The following MFAP5 variants were observed in gnomAD, a reference collection of about 807,000 sequenced individuals.
MFAP5 encodes the protein microfibrillar-associated protein 5.
In MFAP5, 19 loss-of-function variants were observed where a neutral mutation model predicts 30.1. The observed-to-expected ratio is 0.63, with a 90% CI of 0.44 to 0.93. The LOEUF is 0.93. Among genes scored for constraint, MFAP5 ranks in the 40% least tolerant of loss-of-function variants. The pLI, the probability that MFAP5 is intolerant of heterozygous loss-of-function variation, is 0.00. For missense variants in MFAP5, 210 were observed against 221.3 expected (o/e 0.95, Z 0.32); for synonymous variants, 92 against 72.9 (o/e 1.26, Z -1.33).
rs1026971247 is a variant in MFAP5 at position 8,646,095 on chromosome 12, C to T, written c.*1996G>A. 1 of 152,612 alleles carries T rather than the reference C, an allele frequency of 6.6e-6. No individual in the cohort carries two copies. The highest frequency in any genetic ancestry group is 1.5e-5 in the Non-Finnish European group (1 of 68,044). The allele number at this position is 152,612 out of a possible 1,614,324, so 9.5% of individuals were successfully genotyped here. A position where few individuals can be genotyped will look rare whatever the true frequency, so the allele number is the denominator to read the frequency against. On this transcript the variant is annotated 3_prime_UTR_variant, in exon 10 of 10. Coordinates refer to ENST00000359478, the MANE Select transcript of MFAP5 (RefSeq NM_003480.4). Reference sequence around the variant, plus strand: ...GGAGGGTCAAGTTCGTGAAGATATTCTTAAAATTAATCTTGGAAACTCTGT... The same window carrying T: ...GGAGGGTCAAGTTCGTGAAGATATTTTTAAAATTAATCTTGGAAACTCTGT...
At position 8,662,466 on chromosome 12, in the gene MFAP5, C is replaced by G. The variant is rs953906843; in HGVS notation, c.-3+161G>C. ...TGACTTTTTCATATCATCTGCTCATCTTGGCGTCTCCTTCATCAGAATTCC... is the reference window on the plus strand; with the variant it reads ...TGACTTTTTCATATCATCTGCTCATGTTGGCGTCTCCTTCATCAGAATTCC... On this transcript the variant is annotated intron_variant, in intron 1 of 9. Transcript: ENST00000359478. The G allele has an allele frequency of 1.3e-5, 3 of 228,144 alleles. No individual in the cohort carries two copies. In the East Asian group the frequency reaches 3.9e-4, roughly 30 times the overall value. 14.1% of individuals were successfully genotyped at this position (228,144 alleles called of 1,614,324 possible). A position where few individuals can be genotyped will look rare whatever the true frequency, so the allele number is the denominator to read the frequency against.
intron 3 of MFAP5, among the ~76,000 whole-genome samples, chr12:8,660,178 T>G (rs1284304964): frequency 6.6e-6 from 1 of 151,110 alleles, no homozygotes; most frequent in African/African-American, 2.4e-5. Flanking sequence ...TTGACATGAC[T>G]TCTTTTTTTC....
intron 7 of MFAP5, 81 bp from the exon 8 acceptor site, chr12:8,650,670 A>G: frequency 8.3e-7 from 1 of 1,199,666 alleles, no homozygotes; most frequent in South Asian, 1.2e-5. Flanking sequence ...TGGGAAGGAT[A>G]GATAGAGTAG....
At chr12:8,649,658 T>C in intron 8 of MFAP5, 84 bp from the exon 9 acceptor site, 1 of 1,004,248 alleles carries the variant, frequency 1.0e-6, no homozygotes, top group Non-Finnish European at 1.6e-6. Flanking sequence ...GGGATGCCTC[T>C]TCAACTCTCA....
chr12:8,656,653 T>C lies in MFAP5; in HGVS notation c.95-823A>G, dbSNP rs937380017. On this transcript the variant is annotated intron_variant, in intron 3 of 9. Coordinates refer to ENST00000359478, the MANE Select transcript of MFAP5 (RefSeq NM_003480.4). ...ACACACACACACACACACACACATA[T>C]ATATATATATATATATTTTTTTTTT... Among the ~76,000 whole-genome samples, 94 of 126,428 alleles carry C rather than the reference T, an allele frequency of 7.4e-4. 1 individual carries two copies. The highest frequency in any genetic ancestry group is 2.4e-3 in the East Asian group (11 of 4,640). 82.9% of individuals were successfully genotyped at this position (126,428 alleles called of 152,430 possible).
chr12:8,654,618 G>T lies in MFAP5; in HGVS notation c.173-137C>A, dbSNP rs1591570018. Reference sequence around the variant, plus strand: ...TTTGTGTTTTATGTATAAGGGAATAGAATTAATTAAATAATTATAAATTTT... The same window carrying T: ...TTTGTGTTTTATGTATAAGGGAATATAATTAATTAAATAATTATAAATTTT... On this transcript the variant is annotated intron_variant, in intron 5 of 9. Transcript: ENST00000359478. 1.0e-5 allele frequency: 7 copies of T among 689,476 alleles called. No homozygotes were observed. In the African/African-American group the frequency reaches 1.3e-4, roughly 13 times the overall value. The allele number at this position is 689,476 out of a possible 1,614,324, so 42.7% of individuals were successfully genotyped here.
chr12:8,660,650 A>C (rs1942121572), intron 3 of MFAP5, among the ~76,000 whole-genome samples: 1 of 152,148 alleles, frequency 6.6e-6, no homozygotes, highest in African/African-American at 2.4e-5. Flanking sequence ...CACACACACA[A>C]GAAGCTTTTA....
rs1237115807 is a variant in MFAP5, at chr12:8,646,595, T to C, written c.*1496A>G. On this transcript the variant is annotated 3_prime_UTR_variant, in exon 10 of 10. Coordinates refer to ENST00000359478, the MANE Select transcript of MFAP5 (RefSeq NM_003480.4). The stretch of plus-strand genomic sequence containing the variant: ...TAATGCATTTAAATCCAGAGAATCA[T>C]AGAATTAAAGGAAATCTTAGAACTA... The C allele has an allele frequency of 2.6e-5, 4 of 151,838 alleles. No homozygotes were observed. Among genetic ancestry groups the C allele is most frequent in the Admixed American group, 6.6e-5 (1 of 15,244 alleles). 9.4% of individuals were successfully genotyped at this position (151,838 alleles called of 1,614,324 possible).
intron 6 of MFAP5, among the ~76,000 whole-genome samples, chr12:8,653,396 TGGGAGTACAGTAG>T (rs1455613172): frequency 1.3e-5 from 2 of 152,092 alleles, no homozygotes; most frequent in Non-Finnish European, 2.9e-5. Flanking sequence ...CACACTGCCC[TGGGAGTACAGTAG>T]GGGGTTTGGA....
At chr12:8,654,821 A>C (rs1250627388) in intron 5 of MFAP5, among the ~76,000 whole-genome samples, 1 of 151,808 alleles carries the variant, frequency 6.6e-6, no homozygotes, top group Non-Finnish European at 1.5e-5. Context: ...GGCGCCTGTA[A>C]TCCCAGCTAC....
At chr12:8,648,723 C>CA (rs1279551605) in intron 9 of MFAP5, among the ~76,000 whole-genome samples, 1 of 152,204 alleles carries the variant, frequency 6.6e-6, no homozygotes, top group Non-Finnish European at 1.5e-5. Flanking sequence ...TGCACAAAGC[C>CA]AATGGGGGCA....
rs188919591 is a variant in MFAP5 at position 8,657,505 on chromosome 12, G to T, written c.95-1675C>A. Among the ~76,000 whole-genome samples, 4 of 151,192 alleles carry T rather than the reference G, an allele frequency of 2.6e-5. No homozygotes were observed. The East Asian group carries it at 5.8e-4, about 22-fold the overall frequency. On this transcript the variant is annotated intron_variant, in intron 3 of 9. Coordinates refer to ENST00000359478, the MANE Select transcript of MFAP5 (RefSeq NM_003480.4). ...CAGCAATTACCCTTCAATGTAAATA[G>T]CTTATATTCATAATCCATTCTACCC...
At chr12:8,654,309 A>G in intron 6 of MFAP5, 128 bp downstream of exon 6, 2 of 846,080 alleles carry the variant, frequency 2.4e-6, no homozygotes, top group Non-Finnish European at 3.6e-6. Context: ...AACTACTGGA[A>G]ATATGTGCTC....
Position 8,662,377 on chromosome 12 carries a change from C to T in MFAP5, c.-3+250G>A, listed in dbSNP as rs749848932. 1.5e-4 allele frequency: 62 copies of T among 411,002 alleles called. No individual in the cohort carries two copies. In the South Asian group the frequency reaches 1.6e-3, roughly 11 times the overall value. 25.5% of individuals were successfully genotyped at this position (411,002 alleles called of 1,614,324 possible). A position where few individuals can be genotyped will look rare whatever the true frequency, so the allele number is the denominator to read the frequency against. ...AGGAAATTTTACATTCTACATGGTC[C>T]GTACTTGGCCCTACCCTTTGGCCTC... On this transcript the variant is annotated intron_variant, in intron 1 of 9. Transcript: ENST00000359478.
rs374120894 is a variant in MFAP5 at position 8,657,131 on chromosome 12, G to A, written c.95-1301C>T. Among the ~76,000 whole-genome samples, 114 of 152,276 alleles carry A rather than the reference G, an allele frequency of 7.5e-4. 2 individuals carry two copies. In the South Asian group the frequency reaches 0.023, roughly 30 times the overall value. On this transcript the variant is annotated intron_variant, in intron 3 of 9. Transcript: ENST00000359478. ...CTATCAAAATGTCATGGTGGATACT[G>A]TAAACACATACAATATAATTTATAT...
intron 6 of MFAP5, 55 bp from the exon 7 acceptor site, chr12:8,651,746 G>A (rs1941845767): frequency 2.0e-6 from 3 of 1,506,554 alleles, no homozygotes; most frequent in African/African-American, 2.8e-5. Context: ...TACTACTTCT[G>A]TAACTGCCAC....
chr12:8,648,377 T>C (rs1941741349), intron 9 of MFAP5, 174 bp from the exon 10 acceptor site: 1 of 928,106 alleles, frequency 1.1e-6, no homozygotes, highest in African/African-American at 1.7e-5. Flanking sequence ...TCCTAGAAAG[T>C]TTCTTAAATT....
intron 6 of MFAP5, 130 bp downstream of exon 6, chr12:8,654,307 G>C (rs1941922285): frequency 2.4e-6 from 2 of 829,416 alleles, no homozygotes; most frequent in African/African-American, 3.5e-5. Context: ...TGAACTACTG[G>C]AAATATGTGC....
chr12:8,662,048 A>G lies in MFAP5; in HGVS notation c.57T>C (p.Ser19=), dbSNP rs2136485750. 6.2e-7 allele frequency: 1 copy of G among 1,613,706 alleles called. No homozygotes were observed. The highest frequency in any genetic ancestry group is 8.5e-7 in the Non-Finnish European group (1 of 1,179,836). The change falls in exon 2 of 10, where the codon TCT becomes TCC. Residue 19 remains serine (S), a splice_region_variant and synonymous_variant. Transcript: ENST00000359478. ...LLFLAAFIIT[S]DWIPLGVNSQ... ...GGGAGCAAAGAATAAAGGACTCACC[A>G]GAGGTGATGATGAATGCAGCAAGAA...
Sources: gnomAD v4.1 joint callset for allele counts (sites outside exome capture counted in the v4.1 genomes callset) on GRCh38, gnomAD v4.1.1 for gene constraint, MANE v1.5 for transcripts, NCBI Gene and HGNC (gene_info 2026-07-23, HGNC 2026-07-21) for gene names.